MCOLN2: variants seen among roughly 807,000 people sequenced by gnomAD.
MCOLN2 encodes mucolipin-2.
MCOLN2 carries 57 observed loss-of-function variants against 67.5 expected under a neutral mutation model. The ratio of observed to expected loss-of-function variants is 0.84; its 90% CI spans 0.68 to 1.05. MCOLN2 has a LOEUF of 1.05. Among genes scored for constraint, MCOLN2 ranks in the 50% least tolerant of loss-of-function variants. MCOLN2 has a pLI of 0.00. For synonymous variants in MCOLN2, 246 were observed against 233.3 expected (o/e 1.05, Z -0.50); for missense variants, 620 against 678.8 (o/e 0.91, Z 0.96).
intron 4 of MCOLN2, among the ~76,000 whole-genome samples, chr1:84,954,081 T>C (rs1228518860): frequency 2.0e-5 from 3 of 152,236 alleles, no homozygotes; most frequent in Non-Finnish European, 4.4e-5. Context: ...ATAAGGTCTT[T>C]GAGATCAAGA....
intron 1 of MCOLN2, among the ~76,000 whole-genome samples, chr1:84,986,686 G>GA (rs908319225): frequency 5.8e-4 from 86 of 149,414 alleles, no homozygotes; most frequent in African/African-American, 1.8e-3. Context: ...AAATCAGCAA[G>GA]AAAAAAAAAT....
intron 3 of MCOLN2, among the ~76,000 whole-genome samples, chr1:84,956,971 A>T (rs1648828310): frequency 6.6e-6 from 1 of 152,116 alleles, no homozygotes; most frequent in Non-Finnish European, 1.5e-5. Flanking sequence ...AGACCCACGT[A>T]CATACCCGCT....
chr1:84,933,545 G>C (rs667372), intron 11 of MCOLN2, among the ~76,000 whole-genome samples: 96,839 of 152,122 alleles, frequency 0.64, 31,520 homozygotes, highest in African/African-American at 0.76. Context: ...TTTTCCATAC[G>C]CTACACAAGC....
chr1:84,957,401 T>C (rs1274392146), intron 3 of MCOLN2, among the ~76,000 whole-genome samples: 4 of 152,210 alleles, frequency 2.6e-5, no homozygotes, highest in African/African-American at 4.8e-5. Flanking sequence ...AATACGACTT[T>C]ACTATTCCTG....
intron 1 of MCOLN2, among the ~76,000 whole-genome samples, chr1:84,983,888 G>A (rs1033532695): frequency 6.6e-6 from 1 of 151,306 alleles, no homozygotes; most frequent in Non-Finnish European, 1.5e-5. Flanking sequence ...TGTTGGCCAA[G>A]CTGGTCTCGA....
At position 84,940,878 on chromosome 1, in the gene MCOLN2, C is replaced by A; in HGVS notation, c.960+1G>T. ...GGAAGAGAATGCGAACACACTCTTA[C>A]CTTCCGTAACCTTAGAGCAAGAACA... On this transcript the variant is annotated splice_donor_variant, in intron 8 of 13. Transcript: ENST00000370608. LOFTEE classifies it high-confidence loss of function. The A allele has an allele frequency of 6.2e-7, 1 of 1,605,162 alleles. No individual in the cohort carries two copies. Among genetic ancestry groups the A allele is most frequent in the Non-Finnish European group, 8.5e-7 (1 of 1,173,728 alleles).
chr1:84,934,671 A>G (rs918926924), intron 11 of MCOLN2, among the ~76,000 whole-genome samples: 3 of 152,216 alleles, frequency 2.0e-5, no homozygotes, highest in Non-Finnish European at 4.4e-5. Flanking sequence ...ATGCAAGGCT[A>G]TGATTTATTC....
At chr1:84,937,209 T>C (rs1448526726) in intron 11 of MCOLN2, among the ~76,000 whole-genome samples, 1 of 152,218 alleles carries the variant, frequency 6.6e-6, no homozygotes. Context: ...TAATGCTAAC[T>C]GAAGTTTGGT....
chr1:84,969,099 G>A (rs56254105), intron 1 of MCOLN2, among the ~76,000 whole-genome samples: 6,827 of 150,960 alleles, frequency 0.045, 162 homozygotes, highest in Middle Eastern at 0.066. Context: ...GGGAGGGCAC[G>A]GAAGCTCTAC....
In MCOLN2 at chr1:84,954,448, C is replaced by T. The variant is rs377197722; in HGVS notation, c.566-1918G>A. On this transcript the variant is annotated intron_variant, in intron 4 of 13. Transcript: ENST00000370608. ...TATTGGCACTTAACTCCATACCAGA[C>T]ACTGTGCTGGACTTTATATATTCTC... 6.6e-5 allele frequency among the ~76,000 whole-genome samples: 10 copies of T among 152,342 alleles called. No homozygotes were observed. In the East Asian group the frequency reaches 1.7e-3, roughly 26 times the overall value.
chr1:84,938,939 T>C (rs545379949), intron 9 of MCOLN2, among the ~76,000 whole-genome samples: 71 of 152,006 alleles, frequency 4.7e-4, no homozygotes, highest in African/African-American at 1.7e-3. Context: ...GGAAAGCTGG[T>C]GAGGAGGCTG....
intron 4 of MCOLN2, 94 bp from the exon 5 acceptor site, chr1:84,952,624 C>G (rs677476): frequency 0.5 from 399,996 of 798,552 alleles, 101,404 homozygotes; most frequent in East Asian, 0.61. Flanking sequence ...AGGTTACTTA[C>G]GGAGTTTCAA....
intron 11 of MCOLN2, among the ~76,000 whole-genome samples, chr1:84,932,053 C>A (rs988741483): frequency 2.6e-5 from 4 of 151,250 alleles, no homozygotes; most frequent in African/African-American, 9.8e-5. Context: ...CACACACACA[C>A]CCCTCCATAC....
intron 1 of MCOLN2, among the ~76,000 whole-genome samples, chr1:84,983,613 T>C (rs1250426924): frequency 6.6e-6 from 1 of 151,980 alleles, no homozygotes; most frequent in East Asian, 1.9e-4. Flanking sequence ...CCACCTCCGA[T>C]TTCTGTTCCT....
At chr1:84,938,108 A>G (rs1292872317) in intron 9 of MCOLN2, 26 bp from the exon 10 acceptor site, 9 of 1,533,406 alleles carry the variant, frequency 5.9e-6, no homozygotes, top group African/African-American at 1.4e-5. Flanking sequence ...AAAGAAAGAG[A>G]GAAATGAGTA....
Position 84,929,862 on chromosome 1 carries a change from G to C in MCOLN2, c.1543-183C>G, listed in dbSNP as rs569001601. The stretch of plus-strand genomic sequence containing the variant: ...CCCAGAACACCAAGGCAGGGCCACT[G>C]TGGGAACAGAGAACAATCCAAAGAA... On this transcript the variant is annotated intron_variant, in intron 12 of 13. Coordinates refer to ENST00000370608, the MANE Select transcript of MCOLN2 (RefSeq NM_153259.4). 1.3e-5 allele frequency: 6 copies of C among 450,458 alleles called. No individual in the cohort carries two copies. In the South Asian group the frequency reaches 2.4e-4, roughly 18 times the overall value. 27.9% of individuals were successfully genotyped at this position (450,458 alleles called of 1,614,324 possible).
chr1:84,981,412 C>G (rs1650250320), intron 1 of MCOLN2, among the ~76,000 whole-genome samples: 1 of 152,128 alleles, frequency 6.6e-6, no homozygotes, highest in African/African-American at 2.4e-5. Flanking sequence ...ATCTGTATGT[C>G]CATCAGCAGA....
chr1:84,946,449 A>T (rs1034343701), intron 7 of MCOLN2, among the ~76,000 whole-genome samples: 1 of 152,176 alleles, frequency 6.6e-6, no homozygotes, highest in Non-Finnish European at 1.5e-5. Context: ...CTGGAAGGTA[A>T]GTTTAGGCTG....
chr1:84,930,122 C>T (rs1223271009), intron 12 of MCOLN2, among the ~76,000 whole-genome samples: 1 of 151,762 alleles, frequency 6.6e-6, no homozygotes. Context: ...AATTTTCTGG[C>T]CATGGTGGTG....
Sources: gnomAD v4.1 joint callset for allele counts (sites outside exome capture counted in the v4.1 genomes callset) on GRCh38, gnomAD v4.1.1 for gene constraint, MANE v1.5 for transcripts, NCBI Gene and HGNC (gene_info 2026-07-23, HGNC 2026-07-21) for gene names.